The following HECW2 variants were observed in gnomAD, a reference collection of about 807,000 sequenced individuals.
HECW2 encodes HECT, C2 and WW domain containing E3 ubiquitin protein ligase 2, also known as E3 ubiquitin-protein ligase HECW2.
HECW2 carries 61 observed loss-of-function variants against 175.2 expected under a neutral mutation model. The ratio of observed to expected loss-of-function variants is 0.35; its 90% confidence interval spans 0.28 to 0.43. The LOEUF (loss-of-function observed/expected upper bound fraction) is 0.43. HECW2 is among the 20% of genes least tolerant of loss of function. HECW2 has a pLI of 1.00. For synonymous variants in HECW2, 671 were observed against 731.0 expected (o/e 0.92, Z 1.32); for missense variants, 1,524 against 2,000.5 (o/e 0.76, Z 4.54).
chr2:196,466,961 T>C (rs756703560), intron 1 of HECW2, among the ~76,000 whole-genome samples: 3 of 152,166 alleles, frequency 2.0e-5, no homozygotes, highest in African/African-American at 7.2e-5. Context: ...ACTCCAACCG[T>C]CTTAGTTTTC....
intron 1 of HECW2, among the ~76,000 whole-genome samples, chr2:196,495,661 G>A (rs1159522007): frequency 6.6e-6 from 1 of 152,160 alleles, no homozygotes; most frequent in Non-Finnish European, 1.5e-5. Flanking sequence ...CAGAGAGCCT[G>A]CCTTTATGTT....
At chr2:196,541,569 A>C (rs1404711304) in intron 1 of HECW2, among the ~76,000 whole-genome samples, 1 of 152,158 alleles carries the variant, frequency 6.6e-6, no homozygotes, top group Non-Finnish European at 1.5e-5. Flanking sequence ...TTCTGCAAGA[A>C]AGCCCAGAGG....
intron 28 of HECW2, among the ~76,000 whole-genome samples, chr2:196,203,186 A>G (rs1399729139): frequency 6.6e-6 from 1 of 152,192 alleles, no homozygotes; most frequent in Non-Finnish European, 1.5e-5. Flanking sequence ...ACCCACTCCT[A>G]GTACTGTAAA....
chr2:196,321,633 C>T (rs918541921), intron 7 of HECW2, among the ~76,000 whole-genome samples: 52 of 152,156 alleles, frequency 3.4e-4, no homozygotes, highest in African/African-American at 1.2e-3. Flanking sequence ...CTCCTGACCT[C>T]GGGTGATCTG....
chr2:196,320,250 A>G (rs1691891011), intron 8 of HECW2, 89 bp downstream of exon 8: 1 of 777,116 alleles, frequency 1.3e-6, no homozygotes, highest in Non-Finnish European at 2.1e-6. Flanking sequence ...CATGAATTCA[A>G]TTCTGTTCAG....
At chr2:196,379,697 A>C (rs779240381) in intron 2 of HECW2, among the ~76,000 whole-genome samples, 3,193 of 19,832 alleles carry the variant, frequency 0.16, 172 homozygotes, top group African/African-American at 0.2. Flanking sequence ...AAAAAAAAAA[A>C]AAAAAACAAA....
chr2:196,482,902 T>C (rs1483238640), intron 1 of HECW2, among the ~76,000 whole-genome samples: 1 of 152,188 alleles, frequency 6.6e-6, no homozygotes, highest in African/African-American at 2.4e-5. Flanking sequence ...CTTCTCTGAC[T>C]TTTTGTTTCC....
At chr2:196,280,106 C>T (rs528097171) in intron 14 of HECW2, among the ~76,000 whole-genome samples, 57 of 152,250 alleles carry the variant, frequency 3.7e-4, no homozygotes, top group African/African-American at 1.3e-3. Flanking sequence ...ATCTTAAGTA[C>T]AATTAGAAAT....
At chr2:196,380,898 T>C (rs990826043) in intron 2 of HECW2, among the ~76,000 whole-genome samples, 1 of 152,228 alleles carries the variant, frequency 6.6e-6, no homozygotes, top group Non-Finnish European at 1.5e-5. Context: ...GCTCCTCATG[T>C]ACTTGAAAGC....
At chr2:196,318,041 T>G (rs1417420813) in intron 9 of HECW2, among the ~76,000 whole-genome samples, 1 of 152,226 alleles carries the variant, frequency 6.6e-6, no homozygotes, top group East Asian at 1.9e-4. Context: ...CTGTGAAATT[T>G]TAGAAAGGAA....
At chr2:196,249,991 A>G (rs1275335847) in intron 19 of HECW2, among the ~76,000 whole-genome samples, 1 of 152,250 alleles carries the variant, frequency 6.6e-6, no homozygotes, top group Non-Finnish European at 1.5e-5. Context: ...TTGCGATGCT[A>G]AATGAGGAAG....
At chr2:196,590,825 A>T (rs572501612) in intron 1 of HECW2, among the ~76,000 whole-genome samples, 3 of 152,354 alleles carry the variant, frequency 2.0e-5, no homozygotes, top group East Asian at 3.9e-4. Flanking sequence ...CTTTTAAAAG[A>T]GTAAGAAAAT....
At chr2:196,383,169 C>G (rs1306697061) in intron 2 of HECW2, among the ~76,000 whole-genome samples, 1 of 152,118 alleles carries the variant, frequency 6.6e-6, no homozygotes, top group East Asian at 1.9e-4. Context: ...AAGAAAAATG[C>G]AAGCATAAGT....
chr2:196,260,985 AC>A (rs1038363506), intron 17 of HECW2, among the ~76,000 whole-genome samples: 10 of 152,284 alleles, frequency 6.6e-5, no homozygotes, highest in African/African-American at 2.4e-4. Context: ...TTGCCATATG[AC>A]TTCGGGTCCC....
At chr2:196,515,555 C>A (rs1461648279) in intron 1 of HECW2, among the ~76,000 whole-genome samples, 1 of 152,174 alleles carries the variant, frequency 6.6e-6, no homozygotes. Context: ...GCAGCAGGAC[C>A]ATGTAACAAC....
intron 19 of HECW2, among the ~76,000 whole-genome samples, chr2:196,250,548 G>T (rs1474294634): frequency 6.6e-6 from 1 of 152,132 alleles, no homozygotes; most frequent in Non-Finnish European, 1.5e-5. Flanking sequence ...CCTGCCTAAA[G>T]TCAGACAGTT....
In HECW2 at chr2:196,340,931, GAA is replaced by G. The variant is rs71009098; in HGVS notation, c.400+2724_400+2725del. ...TGGAAATGCTAAAATACGGAGAAAA[GAA>G]AAAAAAAAAACCCTTCTCTTTTCTT... On this transcript the variant is annotated intron_variant, in intron 3 of 28. Transcript: ENST00000644978. Among the ~76,000 whole-genome samples the G allele has an allele frequency of 1.1e-3, 160 of 146,254 alleles. 1 individual carries two copies. The highest frequency in any genetic ancestry group is 2.4e-3 in the East Asian group (12 of 5,094).
chr2:196,392,141 T>C (rs1041850572), intron 2 of HECW2, among the ~76,000 whole-genome samples: 13 of 152,154 alleles, frequency 8.5e-5, no homozygotes, highest in African/African-American at 2.9e-4. Context: ...TATGCAAACT[T>C]TTTTCCTTTT....
rs571313868 is a variant in HECW2 at position 196,200,106 on chromosome 2, A to G, written c.*1171T>C. On this transcript the variant is annotated 3_prime_UTR_variant, in exon 29 of 29. Coordinates refer to ENST00000644978, the MANE Select transcript of HECW2 (RefSeq NM_001348768.2). ...GTATTTGATGGATGGAAGAGAGTCT[A>G]ATGCATTTTAAATAAATGCATATCA... 6.5e-6 allele frequency: 1 copy of G among 152,760 alleles called. No homozygotes were observed. The highest frequency in any genetic ancestry group is 6.5e-5 in the Admixed American group (1 of 15,298). 9.5% of individuals were successfully genotyped at this position (152,760 alleles called of 1,614,324 possible). A position where few individuals can be genotyped will look rare whatever the true frequency, so the allele number is the denominator to read the frequency against.
Sources: gnomAD v4.1 joint callset for allele counts (sites outside exome capture counted in the v4.1 genomes callset) on GRCh38, gnomAD v4.1.1 for gene constraint, MANE v1.5 for transcripts, NCBI Gene and HGNC (gene_info 2026-07-23, HGNC 2026-07-21) for gene names.